The following FAT4 variants were observed in gnomAD, a reference collection of about 807,000 sequenced individuals.
The protein encoded by FAT4 is protocadherin Fat 4.
A neutral mutation model predicts 303.9 loss-of-function variants in FAT4; 84 were observed. The observed-to-expected ratio is 0.28, with a 90% CI of 0.23 to 0.33. FAT4 has a LOEUF of 0.33. Among genes scored for constraint, FAT4 ranks in the 10% least tolerant of loss-of-function variants. FAT4 has a pLI of 1.00. For synonymous variants in FAT4, 2,307 were observed against 2,298.8 expected (o/e 1.00, Z -0.10); for missense variants, 6,005 against 6,146.8 (o/e 0.98, Z 0.77).
At chr4:125,384,783 T>C (rs1345810146) in intron 2 of FAT4, among the ~76,000 whole-genome samples, 1 of 151,876 alleles carries the variant, frequency 6.6e-6, no homozygotes, top group Non-Finnish European at 1.5e-5. Flanking sequence ...ACAGTAAATG[T>C]GAACACCTGG....
intron 2 of FAT4, among the ~76,000 whole-genome samples, chr4:125,366,844 T>A (rs1398828580): frequency 1.3e-5 from 2 of 152,088 alleles, no homozygotes; most frequent in Admixed American, 1.3e-4. Context: ...ATTTCTCTAA[T>A]GATCAGTGAT....
At chr4:125,375,375 G>C (rs1351055985) in intron 2 of FAT4, among the ~76,000 whole-genome samples, 1 of 152,134 alleles carries the variant, frequency 6.6e-6, no homozygotes, top group African/African-American at 2.4e-5. Context: ...CAAAGTAAAA[G>C]GCAAAAAGTC....
chr4:125,395,250 T>A (rs1734123137), intron 2 of FAT4, among the ~76,000 whole-genome samples: 1 of 152,176 alleles, frequency 6.6e-6, no homozygotes, highest in Non-Finnish European at 1.5e-5. Flanking sequence ...GAAAAGGGAA[T>A]GGGCAATTAA....
chr4:125,405,604 G>A (rs926016561), intron 3 of FAT4, among the ~76,000 whole-genome samples: 4 of 151,558 alleles, frequency 2.6e-5, no homozygotes, highest in Non-Finnish European at 4.4e-5. Context: ...TCTGCCTCCC[G>A]AGTTCATGCC....
rs148674473 is a variant in FAT4 at position 125,347,098 on chromosome 4, C to T, written c.5175+25512C>T. On this transcript the variant is annotated intron_variant, in intron 2 of 17. Coordinates refer to ENST00000394329, the MANE Select transcript of FAT4 (RefSeq NM_001291303.3). The stretch of plus-strand genomic sequence containing the variant: ...TGCCATATGAAAGCATCAGCCTGAG[C>T]GGTAGGCTCAGTGCTAGGCAAGGCA... Among the ~76,000 whole-genome samples, 1,422 of 151,790 alleles carry T rather than the reference C, an allele frequency of 9.4e-3. 77 individuals carry two copies. Among genetic ancestry groups the T allele is most frequent in the Admixed American group, 0.084 (1,268 of 15,162 alleles).
chr4:125,398,204 G>C (rs1411949678), intron 2 of FAT4, among the ~76,000 whole-genome samples: 1 of 152,110 alleles, frequency 6.6e-6, no homozygotes, highest in East Asian at 1.9e-4. Flanking sequence ...TGAAAGAAAT[G>C]ATGGCTTAGC....
At position 125,376,437 on chromosome 4, in the gene FAT4, C is replaced by T. The variant is rs192368111; in HGVS notation, c.5176-22347C>T. 4.6e-5 allele frequency among the ~76,000 whole-genome samples: 7 copies of T among 151,960 alleles called. No homozygotes were observed. In the East Asian group the frequency reaches 9.7e-4, roughly 21 times the overall value. On this transcript the variant is annotated intron_variant, in intron 2 of 17. Coordinates refer to ENST00000394329, the MANE Select transcript of FAT4 (RefSeq NM_001291303.3). Reference sequence around the variant, plus strand: ...ATCACACACCGGGGCCTGTCGTGACCGGGGCCTGTCGTGGGGTGAGGGGAG... The same window carrying T: ...ATCACACACCGGGGCCTGTCGTGACTGGGGCCTGTCGTGGGGTGAGGGGAG...
rs1431764226 is a variant in FAT4 at position 125,491,802 on chromosome 4, A to C, written c.*34A>C. 15 of 1,534,698 alleles carry C rather than the reference A, an allele frequency of 9.8e-6. No individual in the cohort carries two copies. Among genetic ancestry groups the C allele is most frequent in the African/African-American group, 2.8e-5 (2 of 71,582 alleles). On this transcript the variant is annotated 3_prime_UTR_variant, in exon 18 of 18. Transcript: ENST00000394329. ...TACTGGCACTATAAAATATAAAAAC[A>C]AGAAATAATACTCAAACCATTGTAA...
chr4:125,455,000 A>T (rs1726229187), intron 10 of FAT4, among the ~76,000 whole-genome samples: 1 of 152,154 alleles, frequency 6.6e-6, no homozygotes, highest in Non-Finnish European at 1.5e-5. Flanking sequence ...TGTGAGTCTT[A>T]TGAGAGTTAT....
At chr4:125,485,204 T>C (rs956205667) in intron 16 of FAT4, among the ~76,000 whole-genome samples, 2 of 152,070 alleles carry the variant, frequency 1.3e-5, no homozygotes, top group African/African-American at 2.4e-5. Context: ...TATGCTTAGG[T>C]TACATTAAAT....
At chr4:125,437,847 G>A (rs7656978) in intron 8 of FAT4, among the ~76,000 whole-genome samples, 53,671 of 151,902 alleles carry the variant, frequency 0.35, 9,634 homozygotes, top group Middle Eastern at 0.48. Context: ...TTCTGGACCC[G>A]GTTTTCAGTG....
intron 2 of FAT4, among the ~76,000 whole-genome samples, chr4:125,328,285 A>G (rs1197364938): frequency 1.3e-5 from 2 of 152,212 alleles, no homozygotes; most frequent in Non-Finnish European, 2.9e-5. Flanking sequence ...ATGTAATTAT[A>G]TATTAACACG....
intron 2 of FAT4, among the ~76,000 whole-genome samples, chr4:125,388,427 A>AT (rs1183396339): frequency 2.0e-5 from 3 of 152,124 alleles, no homozygotes; most frequent in African/African-American, 4.8e-5. Flanking sequence ...ATTTAGTGGC[A>AT]TTTTTTGTTT....
At chr4:125,358,476 A>G (rs1342784423) in intron 2 of FAT4, among the ~76,000 whole-genome samples, 1 of 151,998 alleles carries the variant, frequency 6.6e-6, no homozygotes, top group Non-Finnish European at 1.5e-5. Flanking sequence ...GTATAAAGGG[A>G]TACAGTGACA....
At chr4:125,346,080 T>G (rs1371541116) in intron 2 of FAT4, among the ~76,000 whole-genome samples, 1 of 152,118 alleles carries the variant, frequency 6.6e-6, no homozygotes, top group Non-Finnish European at 1.5e-5. Context: ...TAACTCTGAT[T>G]AGTGACACTT....
intron 8 of FAT4, among the ~76,000 whole-genome samples, chr4:125,439,484 C>CA (rs1725573910): frequency 6.6e-6 from 1 of 151,116 alleles, no homozygotes; most frequent in Non-Finnish European, 1.5e-5. Context: ...AGGCACCCAC[C>CA]ACCATGCCCG....
Position 125,451,807 on chromosome 4 carries a change from A to G in FAT4, c.10797A>G (p.Thr3599=). 6.2e-7 allele frequency: 1 copy of G among 1,614,186 alleles called. No individual in the cohort carries two copies. The change falls in exon 10 of 18, where the codon ACA becomes ACG. Residue 3599 remains threonine (T), a synonymous_variant. Coordinates refer to ENST00000394329, the MANE Select transcript of FAT4 (RefSeq NM_001291303.3). ...CTGGTGTTCCTCAAATGTCTTCCAC[A>G]GGAACTGTGCATATCACAGTTATAG... ...KDSGVPQMSS[T]GTVHITVIDQ...
In FAT4 at chr4:125,491,299, C is replaced by T. The variant is rs1414965459; in HGVS notation, c.14483C>T (p.Thr4828Ile). The change falls in exon 18 of 18, where the codon ACA becomes ATA. Residue 4828 changes from threonine to isoleucine, a missense_variant. Coordinates refer to ENST00000394329, the MANE Select transcript of FAT4 (RefSeq NM_001291303.3). ...GACTGCAGAAGGCCACTGTCTAGAA[C>T]AAGGAATCCAGCGGATGGCATTCCA... Reference protein sequence around the residue: ...EEDCRRPLSRTRNPADGIPAP... With the variant: ...EEDCRRPLSRIRNPADGIPAP... The T allele has an allele frequency of 6.2e-7, 1 of 1,614,054 alleles. No individual in the cohort carries two copies. Among genetic ancestry groups the T allele is most frequent in the East Asian group, 2.2e-5 (1 of 44,892 alleles).
chr4:125,418,219 A>C (rs1018407878), intron 7 of FAT4, among the ~76,000 whole-genome samples: 13 of 152,270 alleles, frequency 8.5e-5, no homozygotes, highest in African/African-American at 2.6e-4. Context: ...AAAGTGTTTC[A>C]AAAAAATTTT....
Sources: allele counts gnomAD v4.1 joint callset (sites outside exome capture counted in the v4.1 genomes callset), GRCh38; gene constraint gnomAD v4.1.1; transcripts MANE v1.5; gene names NCBI Gene and HGNC (gene_info 2026-07-23, HGNC 2026-07-21).